The following ELAVL4 variants were observed in gnomAD, a reference collection of about 807,000 sequenced individuals.
The protein encoded by ELAVL4 is ELAV like RNA binding protein 4.
Under a neutral mutation model 35.6 loss-of-function variants are expected in ELAVL4, and 1 was observed. That is an observed-to-expected ratio of 0.03 (90% confidence interval 0.01 to 0.13). ELAVL4 has a LOEUF of 0.13. Ranked by LOEUF, ELAVL4 falls within the 10% of genes least tolerant of loss-of-function variation. The probability of loss-of-function intolerance (pLI) is 1.00; values close to 1 mark genes in which losing one functional copy is unlikely to be tolerated. For synonymous variants in ELAVL4, 156 were observed against 171.0 expected (o/e 0.91, Z 0.69); for missense variants, 267 against 464.9 (o/e 0.57, Z 3.91).
Position 50,109,015 on chromosome 1 carries a change from T to TAGGGGGGG in ELAVL4, c.-175_-174insAGGGGGGG. On this transcript the variant is annotated 5_prime_UTR_variant, in exon 1 of 7. Coordinates refer to ENST00000371824, the MANE Select transcript of ELAVL4 (RefSeq NM_001144774.3). ...GCTCCTTTTCTTTTTTTTCTTTCTC[T>TAGGGGGGG]CCCCCGCCCACCCCCCCAAAAATAA... The TAGGGGGGG allele has an allele frequency of 2.1e-6, 2 of 961,066 alleles. No homozygotes were observed. Among genetic ancestry groups the TAGGGGGGG allele is most frequent in the Non-Finnish European group, 2.4e-6 (2 of 816,946 alleles). The allele number at this position is 961,066 out of a possible 1,614,324, so 59.5% of individuals were successfully genotyped here.
chr1:50,145,178 T>C lies in ELAVL4; in HGVS notation c.231T>C (p.Leu77=). The change falls in exon 2 of 7, where the codon CTT becomes CTC. Residue 77 remains leucine (L), a synonymous_variant. Transcript: ENST00000371824. ...TTGGTGAAATAGAATCCTGCAAACT[T>C]GTGAGAGACAAAATTACAGGTATGC... ...GSIGEIESCK[L]VRDKITGQSL... 6.2e-7 allele frequency: 1 copy of C among 1,613,954 alleles called. No individual in the cohort carries two copies. The highest frequency in any genetic ancestry group is 1.7e-4 in the Middle Eastern group (1 of 6,058).
At chr1:50,051,345 G>C (rs1391531535) in intron 1 of ELAVL4, among the ~76,000 whole-genome samples, 1 of 152,100 alleles carries the variant, frequency 6.6e-6, no homozygotes, top group East Asian at 1.9e-4. Context: ...AGCCTTGCTA[G>C]ATACAAGTTT....
intron 1 of ELAVL4, among the ~76,000 whole-genome samples, chr1:50,133,659 AAG>A (rs1009468404): frequency 1.4e-5 from 2 of 145,940 alleles, no homozygotes; most frequent in African/African-American, 5.0e-5. Flanking sequence ...AAGAGAAAGA[AAG>A]AAAGAAAGAA....
intron 1 of ELAVL4, among the ~76,000 whole-genome samples, chr1:50,072,296 T>A (rs1003868174): frequency 1.3e-5 from 2 of 152,202 alleles, no homozygotes; most frequent in Non-Finnish European, 2.9e-5. Context: ...TTCCTGTCCA[T>A]CTTGTGAAGG....
intron 2 of ELAVL4, among the ~76,000 whole-genome samples, chr1:50,173,459 T>C (rs1679407372): frequency 6.6e-6 from 1 of 152,208 alleles, no homozygotes; most frequent in Admixed American, 6.5e-5. Context: ...TAAGTTTCCA[T>C]CTCAAACTGC....
chr1:50,089,445 T>C (rs1665395576), intron 1 of ELAVL4, among the ~76,000 whole-genome samples: 1 of 152,214 alleles, frequency 6.6e-6, no homozygotes, highest in Non-Finnish European at 1.5e-5. Context: ...CATTCTCTCA[T>C]GTTGGCTTTT....
chr1:50,171,300 A>T (rs1281583225), intron 2 of ELAVL4, among the ~76,000 whole-genome samples: 1 of 152,304 alleles, frequency 6.6e-6, no homozygotes, highest in South Asian at 2.1e-4. Flanking sequence ...CTGATGCCAG[A>T]CACTCTGCTG....
chr1:50,118,688 G>T (rs1353713754), intron 1 of ELAVL4, among the ~76,000 whole-genome samples: 1 of 151,934 alleles, frequency 6.6e-6, no homozygotes, highest in Non-Finnish European at 1.5e-5. Flanking sequence ...TTCACAAATT[G>T]TTCTAAATGG....
intron 1 of ELAVL4, among the ~76,000 whole-genome samples, chr1:50,127,042 G>A (rs1462103750): frequency 2.6e-5 from 4 of 151,844 alleles, no homozygotes; most frequent in Non-Finnish European, 2.9e-5. Context: ...GTAAGAGAAC[G>A]CTTAAAAAAA....
At chr1:50,102,535 C>T (rs1666043063), upstream of ELAVL4, among the ~76,000 whole-genome samples, 1 of 151,434 alleles carries the variant, frequency 6.6e-6, no homozygotes, top group African/African-American at 2.4e-5. Context: ...TTATTAGTTA[C>T]AGAATTATAA....
chr1:50,153,635 G>T (rs550070042), intron 2 of ELAVL4, among the ~76,000 whole-genome samples: 5 of 152,308 alleles, frequency 3.3e-5, no homozygotes, highest in African/African-American at 7.2e-5. Context: ...AGATTAGATT[G>T]TAGGAGACCA....
chr1:50,174,768 G>A (rs1679693947), intron 2 of ELAVL4: 1 of 151,978 alleles, frequency 6.6e-6, no homozygotes, highest in Non-Finnish European at 1.5e-5. Flanking sequence ...TATAGAATGT[G>A]AAAATTATGC....
At chr1:50,122,309 G>A (rs1669171649) in intron 1 of ELAVL4, among the ~76,000 whole-genome samples, 1 of 152,072 alleles carries the variant, frequency 6.6e-6, no homozygotes, top group Admixed American at 6.6e-5. Flanking sequence ...GTAAGAAGAT[G>A]AATAAGGATT....
chr1:50,073,166 C>G (rs1664608040), intron 1 of ELAVL4, among the ~76,000 whole-genome samples: 1 of 152,124 alleles, frequency 6.6e-6, no homozygotes, highest in Non-Finnish European at 1.5e-5. Flanking sequence ...CTCATGGTAC[C>G]AGGGAGTGGA....
At chr1:50,125,698 A>T (rs1340188803) in intron 1 of ELAVL4, among the ~76,000 whole-genome samples, 1 of 152,084 alleles carries the variant, frequency 6.6e-6, no homozygotes, top group Admixed American at 6.6e-5. Context: ...TCAACTAAGA[A>T]CAGGGTCAGC....
intron 1 of ELAVL4, among the ~76,000 whole-genome samples, chr1:50,143,743 C>A (rs141650186): frequency 6.6e-6 from 1 of 151,932 alleles, no homozygotes; most frequent in Non-Finnish European, 1.5e-5. Context: ...TGGAAAGTTG[C>A]GAATTATGGG....
intron 3 of ELAVL4, among the ~76,000 whole-genome samples, chr1:50,192,734 A>C (rs1459618507): frequency 6.6e-6 from 1 of 152,192 alleles, no homozygotes; most frequent in Non-Finnish European, 1.5e-5. Flanking sequence ...CCCCAGAAAT[A>C]GCTTTAGCAG....
chr1:50,188,714 G>A (rs750301127), intron 3 of ELAVL4, among the ~76,000 whole-genome samples: 28 of 152,200 alleles, frequency 1.8e-4, no homozygotes, highest in Non-Finnish European at 2.6e-4. Context: ...TCCAGCTGGC[G>A]TCTGGCTCCC....
chr1:50,175,896 T>G (rs902252695), intron 2 of ELAVL4: 7 of 152,238 alleles, frequency 4.6e-5, no homozygotes, highest in African/African-American at 1.7e-4. Context: ...GAGAGCTTTA[T>G]GTAATCAGTC....
Sources: allele counts gnomAD v4.1 joint callset (sites outside exome capture counted in the v4.1 genomes callset), GRCh38; gene constraint gnomAD v4.1.1; transcripts MANE v1.5; gene names NCBI Gene and HGNC (gene_info 2026-07-23, HGNC 2026-07-21).